CCSER1: variants seen among roughly 807,000 people sequenced by gnomAD.
CCSER1 encodes serine-rich coiled-coil domain-containing protein 1.
In CCSER1, 41 loss-of-function variants were observed where a neutral mutation model predicts 82.0. That is an observed-to-expected ratio of 0.50 (90% CI 0.39 to 0.65). CCSER1 has a LOEUF of 0.65. CCSER1 is among the 30% of genes least tolerant of loss of function. The probability of loss-of-function intolerance (pLI) is 0.00; values close to 1 mark genes in which losing one functional copy is unlikely to be tolerated. For missense variants in CCSER1, 1,119 were observed against 1,064.2 expected, an observed-to-expected ratio of 1.05 and a Z score of -0.72; for synonymous variants, 414 against 383.9, an observed-to-expected ratio of 1.08 and a Z score of -0.92.
intron 10 of CCSER1, among the ~76,000 whole-genome samples, chr4:91,512,930 C>A (rs1260541689): frequency 6.6e-6 from 1 of 152,064 alleles, no homozygotes; most frequent in Non-Finnish European, 1.5e-5. Flanking sequence ...TTGACTTCTT[C>A]TTTTCTTATT....
intron 3 of CCSER1, among the ~76,000 whole-genome samples, chr4:90,344,862 A>G (rs113140997): frequency 1.3e-5 from 2 of 152,156 alleles, no homozygotes; most frequent in Non-Finnish European, 2.9e-5. Context: ...GAACATATGT[A>G]TATTAAATAT....
chr4:91,349,208 AT>A (rs111249015), intron 10 of CCSER1, among the ~76,000 whole-genome samples: 9,953 of 152,026 alleles, frequency 0.065, 1,093 homozygotes, highest in African/African-American at 0.23. Flanking sequence ...CGCCCGGCCA[AT>A]TTTTTTATGT....
intron 10 of CCSER1, among the ~76,000 whole-genome samples, chr4:91,170,859 T>C (rs1732673440): frequency 6.6e-6 from 1 of 152,196 alleles, no homozygotes; most frequent in Non-Finnish European, 1.5e-5. Flanking sequence ...CAGCTGCTGA[T>C]ACTATACAGC....
At chr4:91,228,085 G>C (rs554196998) in intron 10 of CCSER1, among the ~76,000 whole-genome samples, 1 of 152,010 alleles carries the variant, frequency 6.6e-6, no homozygotes, top group Admixed American at 6.6e-5. Flanking sequence ...ACCTACCAAG[G>C]GAAATTTTCT....
At chr4:90,815,279 C>A (rs1176288253) in intron 7 of CCSER1, among the ~76,000 whole-genome samples, 1 of 152,108 alleles carries the variant, frequency 6.6e-6, no homozygotes, top group Non-Finnish European at 1.5e-5. Context: ...CCAATCACCT[C>A]CCACCAGGTC....
At chr4:90,421,049 T>C (rs1052362453) in intron 4 of CCSER1, among the ~76,000 whole-genome samples, 1 of 152,118 alleles carries the variant, frequency 6.6e-6, no homozygotes, top group Non-Finnish European at 1.5e-5. Context: ...TCTAAAGGAA[T>C]AGAATATTTA....
intron 5 of CCSER1, among the ~76,000 whole-genome samples, chr4:90,579,066 A>G (rs1012018198): frequency 2.3e-4 from 18 of 78,092 alleles, no homozygotes; most frequent in Non-Finnish European, 3.2e-4. Flanking sequence ...TATCCTAGCT[A>G]CTTAAAATGA....
At position 90,697,636 on chromosome 4, in the gene CCSER1, C is replaced by T. The variant is rs989721521; in HGVS notation, c.1933-26278C>T. ...CCGCATAAACCTTTAGTGAGTCTTT[C>T]AAAAGATATGACCAAGTCCAACCCT... On this transcript the variant is annotated intron_variant, in intron 6 of 10. Transcript: ENST00000509176. Among the ~76,000 whole-genome samples the T allele has an allele frequency of 7.9e-5, 12 of 152,224 alleles. 1 individual carries two copies. The East Asian group carries it at 2.3e-3, about 29-fold the overall frequency.
intron 10 of CCSER1, among the ~76,000 whole-genome samples, chr4:91,455,408 G>A (rs74331033): frequency 0.047 from 7,185 of 152,046 alleles, 597 homozygotes; most frequent in African/African-American, 0.16. Flanking sequence ...GAGGGCCCTA[G>A]CATCAGGAAT....
intron 5 of CCSER1, among the ~76,000 whole-genome samples, chr4:90,565,262 A>G (rs1265300916): frequency 6.8e-6 from 1 of 147,868 alleles, no homozygotes; most frequent in Non-Finnish European, 1.5e-5. Flanking sequence ...ACTCCTGAGT[A>G]TTTTTTTGTA....
intron 10 of CCSER1, among the ~76,000 whole-genome samples, chr4:91,277,665 T>C (rs1312313935): frequency 1.3e-5 from 2 of 151,910 alleles, no homozygotes; most frequent in East Asian, 3.9e-4. Context: ...TATATATTTT[T>C]TGAGTCTCAA....
At chr4:91,077,387 A>G (rs554737434) in intron 9 of CCSER1, among the ~76,000 whole-genome samples, 2 of 152,382 alleles carry the variant, frequency 1.3e-5, no homozygotes, top group African/African-American at 4.8e-5. Context: ...AATAAAATTT[A>G]TAATATCTGG....
At chr4:90,807,700 T>C (rs1257422339) in intron 7 of CCSER1, among the ~76,000 whole-genome samples, 2 of 150,108 alleles carry the variant, frequency 1.3e-5, no homozygotes, top group Non-Finnish European at 3.0e-5. Flanking sequence ...ATGAAAGAGC[T>C]CTGTAAGGAC....
At chr4:90,396,131 T>G (rs1476809090) in intron 3 of CCSER1, among the ~76,000 whole-genome samples, 1 of 152,086 alleles carries the variant, frequency 6.6e-6, no homozygotes, top group Non-Finnish European at 1.5e-5. Flanking sequence ...TTCATTATTA[T>G]TTCTTTATTA....
At chr4:90,987,082 T>G (rs1736637526) in intron 9 of CCSER1, among the ~76,000 whole-genome samples, 1 of 151,648 alleles carries the variant, frequency 6.6e-6, no homozygotes, top group Non-Finnish European at 1.5e-5. Flanking sequence ...ATCAATGAAT[T>G]GAACTGCTAA....
chr4:91,251,883 G>T (rs1040487855), intron 10 of CCSER1, among the ~76,000 whole-genome samples: 2 of 152,062 alleles, frequency 1.3e-5, no homozygotes, highest in Non-Finnish European at 2.9e-5. Context: ...TCGAATCTGT[G>T]TGAGTAACAG....
intron 9 of CCSER1, among the ~76,000 whole-genome samples, chr4:91,026,996 A>T (rs907641704): frequency 6.6e-6 from 1 of 151,988 alleles, no homozygotes; most frequent in African/African-American, 2.4e-5. Flanking sequence ...TAAAACAAAA[A>T]TTTTTAAACA....
intron 10 of CCSER1, among the ~76,000 whole-genome samples, chr4:91,576,192 A>T (rs1763445806): frequency 6.6e-6 from 1 of 152,046 alleles, no homozygotes; most frequent in Admixed American, 6.6e-5. Flanking sequence ...TGTCTAAATC[A>T]ATATCTATAT....
intron 4 of CCSER1, among the ~76,000 whole-genome samples, chr4:90,419,311 C>A (rs1436683657): frequency 6.6e-6 from 1 of 151,846 alleles, no homozygotes; most frequent in African/African-American, 2.4e-5. Context: ...CAATCTTGTT[C>A]TTCTAACGAT....
Sources: allele counts gnomAD v4.1 joint callset (sites outside exome capture counted in the v4.1 genomes callset), GRCh38; gene constraint gnomAD v4.1.1; transcripts MANE v1.5; gene names NCBI Gene and HGNC (gene_info 2026-07-23, HGNC 2026-07-21).